MTHFD1: variants seen among roughly 807,000 people sequenced by gnomAD.
MTHFD1 encodes the protein C-1-tetrahydrofolate synthase, cytoplasmic.
A neutral mutation model predicts 110.3 loss-of-function variants in MTHFD1; 44 were observed. That is an observed-to-expected ratio of 0.40 (90% CI 0.31 to 0.51). The LOEUF (loss-of-function observed/expected upper bound fraction) is 0.51. Ranked by LOEUF, MTHFD1 falls within the 20% of genes least tolerant of loss-of-function variation. MTHFD1 has a pLI of 0.60. For synonymous variants in MTHFD1, 402 were observed against 428.8 expected (o/e 0.94, Z 0.77); for missense variants, 909 against 1,173.1 (o/e 0.77, Z 3.29).
intron 1 of MTHFD1, among the ~76,000 whole-genome samples, chr14:64,389,496 T>TC (rs1555335438): frequency 6.6e-6 from 1 of 151,994 alleles, no homozygotes; most frequent in Non-Finnish European, 1.5e-5. Flanking sequence ...TCACCTGAGG[T>TC]CTGGAGTTCA....
chr14:64,445,963 A>G (rs1250981150), intron 22 of MTHFD1, among the ~76,000 whole-genome samples: 1 of 152,248 alleles, frequency 6.6e-6, no homozygotes, highest in Non-Finnish European at 1.5e-5. Flanking sequence ...AATCACATTT[A>G]TAATGAACCT....
chr14:64,412,405 G>A (rs1043799621), intron 3 of MTHFD1, 67 bp from the exon 4 acceptor site: 11 of 1,195,264 alleles, frequency 9.2e-6, no homozygotes, highest in Middle Eastern at 3.8e-4. Flanking sequence ...AGTCATGTCT[G>A]TAAAAGAAAT....
chr14:64,428,801 C>G (rs2078137459), intron 12 of MTHFD1, among the ~76,000 whole-genome samples: 1 of 151,824 alleles, frequency 6.6e-6, no homozygotes, highest in Non-Finnish European at 1.5e-5. Flanking sequence ...ATCTGCCCAC[C>G]TTGGCCTCCC....
chr14:64,439,381 C>T (rs113547026), intron 17 of MTHFD1: 19 of 589,192 alleles, frequency 3.2e-5, no homozygotes, highest in African/African-American at 5.6e-5. Context: ...GTTTTTCCCC[C>T]GGCATTTTTT....
At position 64,413,391 on chromosome 14, in the gene MTHFD1, C is replaced by T. The variant is rs2140954647; in HGVS notation, c.240+866C>T. On this transcript the variant is annotated intron_variant, in intron 4 of 27. Transcript: ENST00000652337. ...AAACCGATCCTTGGCCTGTAATTATCTGCATTCTAAAAACCAAATATGTAT... is the reference window on the plus strand; with the variant it reads ...AAACCGATCCTTGGCCTGTAATTATTTGCATTCTAAAAACCAAATATGTAT... Among the ~76,000 whole-genome samples the T allele has an allele frequency of 2.0e-5, 3 of 152,274 alleles. No individual in the cohort carries two copies. The South Asian group carries it at 6.2e-4, about 32-fold the overall frequency.
chr14:64,396,163 A>G (rs2140942081), intron 1 of MTHFD1, among the ~76,000 whole-genome samples: 1 of 152,284 alleles, frequency 6.6e-6, no homozygotes, highest in South Asian at 2.1e-4. Context: ...TTATGTAATA[A>G]TAGTACTATT....
chr14:64,439,258 C>T (rs45618332), intron 17 of MTHFD1, 86 bp downstream of exon 17: 231,678 of 966,564 alleles, frequency 0.24, 28,279 homozygotes, highest in Non-Finnish European at 0.25. Context: ...TCTCATACGA[C>T]TGATACTGCC....
At chr14:64,446,611 G>A (rs1302366066) in intron 22 of MTHFD1, among the ~76,000 whole-genome samples, 4 of 151,106 alleles carry the variant, frequency 2.6e-5, no homozygotes, top group Middle Eastern at 3.4e-3. Flanking sequence ...GTGTGATCTC[G>A]GCTCACTGCA....
rs1037321483 is a variant in MTHFD1, at chr14:64,417,829, C to T, written c.479-59C>T. The T allele has an allele frequency of 6.2e-6, 10 of 1,606,976 alleles. No individual in the cohort carries two copies. Among genetic ancestry groups the T allele is most frequent in the Non-Finnish European group, 7.7e-6 (9 of 1,175,698 alleles). ...CACTTATTCTAATTTCTCCACGTGG[C>T]ATGCGAAGGAGGGCAGCTTCTATCC... On this transcript the variant is annotated intron_variant, in intron 6 of 27. Transcript: ENST00000652337. The surrounding 1 kb of genome is among the most constrained non-coding windows in gnomAD (Gnocchi z 4.4).
rs2078228656 is a variant in MTHFD1 at position 64,439,146 on chromosome 14, C to T, written c.1648C>T (p.Pro550Ser). ...GAGGAAGATCACGATTGGACAGGCT[C>T]CAACGGAGAAGGGTCACACACGGAC... is the stretch of plus-strand genomic sequence containing the variant. ...FLRKITIGQA[P>S]TEKGHTRTAQ... Residue 550 changes from proline to serine, a missense_variant, in exon 17 of 28, where the codon CCA becomes TCA. This residue lies in a region of MTHFD1 where 482 missense variants were observed against 646.0 expected (regional missense o/e 0.75). Coordinates refer to ENST00000652337, the MANE Select transcript of MTHFD1 (RefSeq NM_005956.4). The T allele has an allele frequency of 5.6e-6, 9 of 1,614,022 alleles. No individual in the cohort carries two copies. Among genetic ancestry groups the T allele is most frequent in the Non-Finnish European group, 6.8e-6 (8 of 1,179,906 alleles).
chr14:64,425,933 G>T, intron 10 of MTHFD1, 86 bp from the exon 11 acceptor site: 1 of 1,582,642 alleles, frequency 6.3e-7, no homozygotes, highest in Non-Finnish European at 8.7e-7. Flanking sequence ...TTCAGTGGTT[G>T]GGGTTGGGTT....
intron 27 of MTHFD1, among the ~76,000 whole-genome samples, 166 bp from the exon 28 acceptor site, chr14:64,459,593 T>G (rs906135414): frequency 1.3e-5 from 2 of 152,212 alleles, no homozygotes; most frequent in African/African-American, 2.4e-5. Context: ...CCATGCATCA[T>G]TTTCAAGTCC....
chr14:64,396,622 C>T (rs2077851885), intron 1 of MTHFD1, among the ~76,000 whole-genome samples: 1 of 145,278 alleles, frequency 6.9e-6, no homozygotes, highest in Admixed American at 7.1e-5. Context: ...CTGTGTCAAA[C>T]CCCCCAGCTC....
At position 64,449,544 on chromosome 14, in the gene MTHFD1, G is replaced by A; in HGVS notation, c.2379G>A (p.Lys793=). The A allele has an allele frequency of 6.2e-7, 1 of 1,614,186 alleles. No homozygotes were observed. The highest frequency in any genetic ancestry group is 8.5e-7 in the Non-Finnish European group (1 of 1,180,012). ...GCACTCACTGGGCAGAAGGGGGCAAGGGTGCCTTAGCCCTGGCTCAGGCCG... is the reference window on the plus strand; with the variant it reads ...GCACTCACTGGGCAGAAGGGGGCAAAGGTGCCTTAGCCCTGGCTCAGGCCG... The part of the protein sequence containing the change: ...VKCTHWAEGG[K]GALALAQAVQ... Residue 793 remains lysine, a synonymous_variant, in exon 24 of 28, where the codon AAG becomes AAA. Transcript: ENST00000652337.
intron 2 of MTHFD1, 109 bp downstream of exon 2, chr14:64,400,986 C>A: frequency 1.3e-6 from 1 of 797,990 alleles, no homozygotes; most frequent in Non-Finnish European, 2.1e-6. Context: ...TGTGTAATCT[C>A]ATGCCTTTTC....
rs1032886231 is a variant in MTHFD1 at position 64,441,630 on chromosome 14, C to T, written c.1884+177C>T. 4 of 632,822 alleles carry T rather than the reference C, an allele frequency of 6.3e-6. No homozygotes were observed. The East Asian group carries it at 9.0e-5, about 14-fold the overall frequency. 39.2% of individuals were successfully genotyped at this position (632,822 alleles called of 1,614,324 possible). A position where few individuals can be genotyped will look rare whatever the true frequency, so the allele number is the denominator to read the frequency against. On this transcript the variant is annotated intron_variant, in intron 19 of 27. Transcript: ENST00000652337. Reference sequence around the variant, plus strand: ...GACCATCCTGGCTAACATGGTGAAACCCCGTCTCTACTAAAAATACAAAAA... The same window carrying T: ...GACCATCCTGGCTAACATGGTGAAATCCCGTCTCTACTAAAAATACAAAAA...
At chr14:64,410,169 A>G (rs1270686978) in intron 2 of MTHFD1, among the ~76,000 whole-genome samples, 1 of 152,212 alleles carries the variant, frequency 6.6e-6, no homozygotes, top group Non-Finnish European at 1.5e-5. Context: ...GAGACACTGC[A>G]TGGTGGTTCA....
intron 8 of MTHFD1, chr14:64,422,851 A>G (rs1173865160): frequency 6.6e-6 from 1 of 152,174 alleles, no homozygotes; most frequent in Non-Finnish European, 1.5e-5. Flanking sequence ...CACTGACCAC[A>G]TCATCCTATC....
chr14:64,425,791 A>G lies in MTHFD1; in HGVS notation c.917A>G (p.Gln306Arg), dbSNP rs2078114190. ...EKFKPGKWMI[Q>R]YNNLNLKTPV... The stretch of plus-strand genomic sequence containing the variant: ...TTTAAGCCAGGAAAGTGGATGATTC[A>G]GTATAACAACCTTAACCTCAAGACA... The change falls in exon 10 of 28, where the codon CAG (glutamine) becomes CGG (arginine). Residue 306 changes from glutamine (Q) to arginine (R), a missense_variant. Physicochemically the swap from Gln to Arg is conservative, Grantham distance 43. Transcript: ENST00000652337. The G allele has an allele frequency of 6.2e-7, 1 of 1,613,832 alleles. No homozygotes were observed. Among genetic ancestry groups the G allele is most frequent in the African/African-American group, 1.3e-5 (1 of 74,934 alleles).
Sources: allele counts gnomAD v4.1 joint callset (sites outside exome capture counted in the v4.1 genomes callset), GRCh38; gene constraint gnomAD v4.1.1; regional missense constraint gnomAD v4.1.1; non-coding constraint Gnocchi (gnomAD v3.1); transcripts MANE v1.5; gene names NCBI Gene and HGNC (gene_info 2026-07-23, HGNC 2026-07-21).